The following SLIT2 variants were observed in gnomAD, a reference collection of about 807,000 sequenced individuals.
SLIT2 encodes the protein slit guidance ligand 2.
In SLIT2, 41 loss-of-function variants were observed where a neutral mutation model predicts 185.7. The observed-to-expected ratio is 0.22, with a 90% CI of 0.17 to 0.29. The LOEUF (loss-of-function observed/expected upper bound fraction) is 0.29. Among genes scored for constraint, SLIT2 ranks in the 10% least tolerant of loss-of-function variants. The pLI, the probability that SLIT2 is intolerant of heterozygous loss-of-function variation, is 1.00. For synonymous variants in SLIT2, 693 were observed against 680.2 expected (o/e 1.02, Z -0.29); for missense variants, 1,571 against 1,909.0 (o/e 0.82, Z 3.30).
intron 5 of SLIT2, among the ~76,000 whole-genome samples, chr4:20,468,480 G>A (rs1267408727): frequency 6.6e-6 from 1 of 151,964 alleles, no homozygotes; most frequent in Non-Finnish European, 1.5e-5. Context: ...AAAAATGAAA[G>A]TGCATTTCTG....
rs768410073 is a variant in SLIT2, at chr4:20,253,992, A to G, written c.177A>G (p.Arg59=). The part of the protein sequence containing the change: ...VPRNIPRNTE[R]LDLNGNNITR... ...GGAATATCCCCCGCAACACCGAGAG[A>G]CTGTGAGTATGCGCTCTTCGTCTTC... Residue 59 remains arginine (R), a splice_region_variant and synonymous_variant, in exon 1 of 37, where the codon AGA becomes AGG. Coordinates refer to ENST00000504154, the MANE Select transcript of SLIT2 (RefSeq NM_004787.4). 1 of 1,601,402 alleles carries G rather than the reference A, an allele frequency of 6.2e-7. No homozygotes were observed. The highest frequency in any genetic ancestry group is 1.1e-5 in the South Asian group (1 of 90,976).
chr4:20,500,208 C>A (rs1382616534), intron 9 of SLIT2, among the ~76,000 whole-genome samples: 1 of 152,084 alleles, frequency 6.6e-6, no homozygotes, highest in African/African-American at 2.4e-5. Context: ...TTTGACAGAA[C>A]TTTATTGTTT....
intron 4 of SLIT2, among the ~76,000 whole-genome samples, chr4:20,383,691 A>G (rs770169215): frequency 5.3e-5 from 8 of 152,052 alleles, no homozygotes; most frequent in Non-Finnish European, 8.8e-5. Flanking sequence ...TACTTCCTAT[A>G]TGACCAGTGT....
rs190604183 is a variant in SLIT2, at chr4:20,254,685, C to T, written c.179+691C>T. 4.6e-3 allele frequency among the ~76,000 whole-genome samples: 697 copies of T among 152,202 alleles called. 5 individuals are homozygous for T. Among genetic ancestry groups the T allele is most frequent in the African/African-American group, 0.016 (660 of 41,546 alleles). ...TCAGCGGGCGACTGCGAGGGAGGAC[C>T]GTGTCCCATCCGTTAAGCGAAGTTA... is the stretch of plus-strand genomic sequence containing the variant. On this transcript the variant is annotated intron_variant, in intron 1 of 36. Coordinates refer to ENST00000504154, the MANE Select transcript of SLIT2 (RefSeq NM_004787.4). The surrounding 1 kb of genome is among the most constrained non-coding windows in gnomAD (Gnocchi z 5.1).
At chr4:20,275,719 A>G (rs984027739) in intron 4 of SLIT2, among the ~76,000 whole-genome samples, 1 of 152,142 alleles carries the variant, frequency 6.6e-6, no homozygotes, top group Non-Finnish European at 1.5e-5. Flanking sequence ...TCTTAATGAG[A>G]TCTCTTCATG....
chr4:20,592,902 T>G (rs1416723220), intron 30 of SLIT2, among the ~76,000 whole-genome samples: 1 of 152,216 alleles, frequency 6.6e-6, no homozygotes, highest in Non-Finnish European at 1.5e-5. Context: ...ATTTTATTTC[T>G]TAATTCATAC....
rs563716997 is a variant in SLIT2, at chr4:20,376,210, T to A, written c.396-91542T>A. Among the ~76,000 whole-genome samples the A allele has an allele frequency of 5.8e-4, 86 of 148,342 alleles. No individual in the cohort carries two copies. The South Asian group carries it at 0.015, about 27-fold the overall frequency. ...CTTCTCTCTGCTTTTACTGTATTCA[T>A]ACTGTTGTAATATCACACAACATGG... On this transcript the variant is annotated intron_variant, in intron 4 of 36. Coordinates refer to ENST00000504154, the MANE Select transcript of SLIT2 (RefSeq NM_004787.4).
chr4:20,573,094 G>GT, intron 29 of SLIT2: 1 of 673,140 alleles, frequency 1.5e-6, no homozygotes, highest in Middle Eastern at 2.4e-4. Flanking sequence ...CCGGCTGTAG[G>GT]TAAGAAATCC....
intron 4 of SLIT2, among the ~76,000 whole-genome samples, chr4:20,319,221 A>T (rs1256793321): frequency 6.6e-6 from 1 of 152,184 alleles, no homozygotes; most frequent in Non-Finnish European, 1.5e-5. Flanking sequence ...TATCTATTTA[A>T]ATTAGACACA....
intron 4 of SLIT2, among the ~76,000 whole-genome samples, chr4:20,435,474 T>G (rs991088328): frequency 1.1e-4 from 17 of 152,164 alleles, no homozygotes; most frequent in African/African-American, 4.1e-4. Context: ...TTAAAAAAAC[T>G]GTAATTAAAT....
At chr4:20,443,293 G>A (rs1262978412) in intron 4 of SLIT2, among the ~76,000 whole-genome samples, 1 of 152,132 alleles carries the variant, frequency 6.6e-6, no homozygotes, top group Non-Finnish European at 1.5e-5. Context: ...AAGCAGACTG[G>A]ATTTAATTTC....
intron 4 of SLIT2, among the ~76,000 whole-genome samples, chr4:20,372,852 AT>A (rs1367864074): frequency 2.0e-5 from 3 of 151,978 alleles, no homozygotes; most frequent in Non-Finnish European, 4.4e-5. Context: ...TTTACACACC[AT>A]TTTTTGTTGT....
At chr4:20,405,923 C>CAAAAAAATAAA (rs1309145912) in intron 4 of SLIT2, among the ~76,000 whole-genome samples, 3 of 145,302 alleles carry the variant, frequency 2.1e-5, no homozygotes, top group South Asian at 2.4e-4. Context: ...ACAAACATTA[C>CAAAAAAATAAA]CTTGGCTGTT....
chr4:20,396,440 A>G (rs1346812561), intron 4 of SLIT2, among the ~76,000 whole-genome samples: 2 of 151,802 alleles, frequency 1.3e-5, no homozygotes, highest in African/African-American at 4.8e-5. Flanking sequence ...CCCCTCATCT[A>G]GTTACAAAAC....
At chr4:20,539,609 G>A (rs926915837) in intron 19 of SLIT2, 25 bp downstream of exon 19, 5 of 1,504,624 alleles carry the variant, frequency 3.3e-6, no homozygotes, top group African/African-American at 1.4e-5. Context: ...TAGCCCTTAT[G>A]TATTACTTGA....
chr4:20,262,856 T>C (rs892228360), intron 3 of SLIT2, among the ~76,000 whole-genome samples: 1 of 151,880 alleles, frequency 6.6e-6, no homozygotes, highest in Non-Finnish European at 1.5e-5. Context: ...CTGAGAGAAT[T>C]TCTCATGCAA....
At position 20,618,986 on chromosome 4, in the gene SLIT2, G is replaced by T; in HGVS notation, c.4567G>T (p.Gly1523Cys). The change falls in exon 37 of 37, where the codon GGC (glycine) becomes TGC (cysteine). Residue 1523 changes from glycine (G) to cysteine (C), a missense_variant. This residue lies in a region of SLIT2 where 223 missense variants were observed against 245.2 expected (regional missense o/e 0.91). Transcript: ENST00000504154. ...CGAGGTTGAGAAAGTGGTGAAGTGCGGCTGTACGAGGTGTGTGTCCTAAAC... is the reference window on the plus strand; with the variant it reads ...CGAGGTTGAGAAAGTGGTGAAGTGCTGCTGTACGAGGTGTGTGTCCTAAAC... ...VDEVEKVVKC[G>C]CTRCVS 6.2e-7 allele frequency: 1 copy of T among 1,613,978 alleles called. No homozygotes were observed. Among genetic ancestry groups the T allele is most frequent in the Non-Finnish European group, 8.5e-7 (1 of 1,179,904 alleles).
intron 6 of SLIT2, among the ~76,000 whole-genome samples, chr4:20,482,991 A>T (rs58129174): frequency 1.0e-3 from 159 of 152,096 alleles, no homozygotes; most frequent in African/African-American, 3.3e-3. Flanking sequence ...TTTGGTCAAG[A>T]GCTTAAGAGA....
chr4:20,384,088 CT>C (rs35319077), intron 4 of SLIT2, among the ~76,000 whole-genome samples: 27,717 of 147,540 alleles, frequency 0.19, 2,704 homozygotes, highest in Admixed American at 0.26. Flanking sequence ...TTCAGAGCAG[CT>C]TTTTTTTTTT....
Sources: allele counts gnomAD v4.1 joint callset (sites outside exome capture counted in the v4.1 genomes callset), GRCh38; gene constraint gnomAD v4.1.1; regional missense constraint gnomAD v4.1.1; non-coding constraint Gnocchi (gnomAD v3.1); transcripts MANE v1.5; gene names NCBI Gene and HGNC (gene_info 2026-07-23, HGNC 2026-07-21).